Variants in TRHDE observed in about 807,000 individuals in gnomAD.
The protein encoded by TRHDE is thyrotropin releasing hormone degrading enzyme.
In TRHDE, 72 loss-of-function variants were observed where a neutral mutation model predicts 125.7. The ratio of observed to expected loss-of-function variants is 0.57; its 90% CI spans 0.47 to 0.70. The LOEUF (loss-of-function observed/expected upper bound fraction) is 0.70. Ranked by LOEUF, TRHDE falls within the 30% of genes least tolerant of loss-of-function variation. The pLI, the probability that TRHDE is intolerant of heterozygous loss-of-function variation, is 0.00. For synonymous variants in TRHDE, 509 were observed against 509.1 expected, an observed-to-expected ratio of 1.00 and a Z score of 0.00; for missense variants, 1,110 against 1,327.1, an observed-to-expected ratio of 0.84 and a Z score of 2.54.
intron 2 of TRHDE, among the ~76,000 whole-genome samples, chr12:72,172,181 C>T (rs1204457111): frequency 1.3e-5 from 2 of 152,078 alleles, no homozygotes; most frequent in Non-Finnish European, 2.9e-5. Flanking sequence ...TGTCTTGGCT[C>T]TTCATTCATC....
At chr12:72,120,845 A>T (rs1475460601) in intron 2 of TRHDE, among the ~76,000 whole-genome samples, 1 of 150,992 alleles carries the variant, frequency 6.6e-6, no homozygotes, top group Non-Finnish European at 1.5e-5. Context: ...CGCCCGGCTA[A>T]TTTTTTTGTA....
chr12:72,466,827 G>A lies in TRHDE; in HGVS notation c.1316-2931G>A, dbSNP rs1172949788. Among the ~76,000 whole-genome samples, 10 of 151,986 alleles carry A rather than the reference G, an allele frequency of 6.6e-5. No homozygotes were observed. The East Asian group carries it at 7.8e-4, about 12-fold the overall frequency. ...TTGACCACACCACACCCACCCCATC[G>A]ATCAATCACTATCTTACTCTGTTAC... On this transcript the variant is annotated intron_variant, in intron 3 of 18. Transcript: ENST00000261180.
At chr12:72,350,127 T>G (rs1160026136) in intron 2 of TRHDE, among the ~76,000 whole-genome samples, 1 of 152,018 alleles carries the variant, frequency 6.6e-6, no homozygotes, top group African/African-American at 2.4e-5. Context: ...CTAGCATCAC[T>G]TTTTCCCATC....
chr12:72,525,224 G>A (rs1592512093), intron 6 of TRHDE, among the ~76,000 whole-genome samples: 1 of 152,090 alleles, frequency 6.6e-6, no homozygotes, highest in East Asian at 1.9e-4. Flanking sequence ...GAACATATTC[G>A]TGGTTAGGAA....
chr12:72,658,528 T>TCTAA (rs1159435814), intron 18 of TRHDE, among the ~76,000 whole-genome samples: 1 of 152,164 alleles, frequency 6.6e-6, no homozygotes, highest in Non-Finnish European at 1.5e-5. Context: ...CTTGCTTTCC[T>TCTAA]CTAACTCCGT....
chr12:72,627,259 T>C (rs975241558), intron 15 of TRHDE, among the ~76,000 whole-genome samples: 1 of 151,952 alleles, frequency 6.6e-6, no homozygotes, highest in African/African-American at 2.4e-5. Context: ...GTTCAAAATT[T>C]CACACTCACT....
chr12:72,270,312 T>C (rs1328234246), upstream of TRHDE, among the ~76,000 whole-genome samples: 1 of 151,298 alleles, frequency 6.6e-6, no homozygotes, highest in Non-Finnish European at 1.5e-5. Context: ...CTGGCACTTA[T>C]TTTCATCATC....
At chr12:72,276,316 T>C (rs1879486610) in intron 1 of TRHDE, among the ~76,000 whole-genome samples, 1 of 152,240 alleles carries the variant, frequency 6.6e-6, no homozygotes, top group African/African-American at 2.4e-5. Flanking sequence ...ATTTTGCCAA[T>C]TTAATTATAG....
intron 6 of TRHDE, among the ~76,000 whole-genome samples, chr12:72,519,122 T>C (rs1879041553): frequency 6.6e-6 from 1 of 152,130 alleles, no homozygotes; most frequent in Non-Finnish European, 1.5e-5. Flanking sequence ...CAATTATGTG[T>C]CTTGGAGTTG....
intron 6 of TRHDE, among the ~76,000 whole-genome samples, chr12:72,517,740 G>T (rs1302602307): frequency 6.6e-6 from 1 of 151,292 alleles, no homozygotes; most frequent in African/African-American, 2.4e-5. Flanking sequence ...TGATGTTAGG[G>T]TGTCAATTTT....
At chr12:72,166,198 T>C (rs566705118) in intron 2 of TRHDE, among the ~76,000 whole-genome samples, 8 of 152,262 alleles carry the variant, frequency 5.3e-5, no homozygotes, top group African/African-American at 1.9e-4. Flanking sequence ...ATAGAAAAAG[T>C]ATAGTAAAAA....
intron 6 of TRHDE, among the ~76,000 whole-genome samples, chr12:72,502,105 C>A (rs895324435): frequency 1.6e-4 from 25 of 151,802 alleles, no homozygotes; most frequent in African/African-American, 6.0e-4. Flanking sequence ...TTTTATTGAT[C>A]TCAAAAAGCA....
chr12:72,174,033 G>T (rs1876936529), intron 2 of TRHDE, among the ~76,000 whole-genome samples: 1 of 152,124 alleles, frequency 6.6e-6, no homozygotes, highest in African/African-American at 2.4e-5. Flanking sequence ...TCTGAACTTA[G>T]CCATGTGACT....
chr12:72,364,139 A>G (rs963343223), intron 2 of TRHDE, among the ~76,000 whole-genome samples: 14 of 152,092 alleles, frequency 9.2e-5, no homozygotes, highest in African/African-American at 3.4e-4. Context: ...AACAAATGGA[A>G]GAACATTCCA....
chr12:72,400,907 T>C (rs1248153007), intron 3 of TRHDE, among the ~76,000 whole-genome samples: 1 of 152,150 alleles, frequency 6.6e-6, no homozygotes, highest in Non-Finnish European at 1.5e-5. Context: ...AATAATTTCT[T>C]CTTCTTGGGT....
rs1877551309 is a variant in TRHDE at position 72,489,248 on chromosome 12, C to T, written c.1585-10250C>T. Among the ~76,000 whole-genome samples, 3 of 148,160 alleles carry T rather than the reference C, an allele frequency of 2.0e-5. No homozygotes were observed. In the East Asian group the frequency reaches 5.9e-4, roughly 29 times the overall value. ...AAAAAAAAAATACAAAATCATCAAG[C>T]TTTTAGCTAGCCTAATTAAGAAAAA... On this transcript the variant is annotated intron_variant, in intron 5 of 18. Coordinates refer to ENST00000261180, the MANE Select transcript of TRHDE (RefSeq NM_013381.3).
At chr12:72,246,135 T>A (rs1193694135) in intron 2 of TRHDE, among the ~76,000 whole-genome samples, 1 of 152,148 alleles carries the variant, frequency 6.6e-6, no homozygotes, top group African/African-American at 2.4e-5. Flanking sequence ...GATTTCTTGA[T>A]CAATGACTAC....
intron 2 of TRHDE, among the ~76,000 whole-genome samples, chr12:72,258,503 C>G (rs1878869559): frequency 6.6e-6 from 1 of 151,934 alleles, no homozygotes; most frequent in Non-Finnish European, 1.5e-5. Flanking sequence ...CAGTGAGAGC[C>G]TAAAAAAAGA....
At chr12:72,658,941 G>A (rs1874810426) in intron 18 of TRHDE, among the ~76,000 whole-genome samples, 3 of 152,092 alleles carry the variant, frequency 2.0e-5, no homozygotes. Flanking sequence ...GGGGGTTTTG[G>A]TTTTTATGGT....
Sources: gnomAD v4.1 joint callset for allele counts (sites outside exome capture counted in the v4.1 genomes callset) on GRCh38, gnomAD v4.1.1 for gene constraint, MANE v1.5 for transcripts, NCBI Gene and HGNC (gene_info 2026-07-23, HGNC 2026-07-21) for gene names.